ARIH1: variants seen among roughly 807,000 people sequenced by gnomAD.
ARIH1 encodes E3 ubiquitin-protein ligase ARIH1.
A neutral mutation model predicts 85.0 loss-of-function variants in ARIH1; 8 were observed. The ratio of observed to expected loss-of-function variants is 0.09; its 90% CI spans 0.06 to 0.17. The LOEUF (loss-of-function observed/expected upper bound fraction) is 0.17, where lower values mean the gene tolerates loss of function less well. ARIH1 is among the 10% of genes least tolerant of loss of function. The pLI is 1.00. For synonymous variants in ARIH1, 238 were observed against 253.6 expected, an observed-to-expected ratio of 0.94 and a Z score of 0.59; for missense variants, 311 against 718.1, an observed-to-expected ratio of 0.43 and a Z score of 6.48.
chr15:72,586,369 T>TGG lies in ARIH1; in HGVS notation c.*3080_*3081dup, dbSNP rs2064316987. The TGG allele has an allele frequency of 6.6e-6, 1 of 152,066 alleles. No homozygotes were observed. Among genetic ancestry groups the TGG allele is most frequent in the Non-Finnish European group, 1.5e-5 (1 of 68,004 alleles). The allele number at this position is 152,066 out of a possible 1,614,324, so 9.4% of individuals were successfully genotyped here. A position where few individuals can be genotyped will look rare whatever the true frequency, so the allele number is the denominator to read the frequency against. Reference sequence around the variant, plus strand: ...GTAATAGAGCACTTGGGGGATGGGATGGGGTGGGTTGGTGAGACAATCAGA... The same window carrying TGG: ...GTAATAGAGCACTTGGGGGATGGGATGGGGGGTGGGTTGGTGAGACAATCAGA... On this transcript the variant is annotated 3_prime_UTR_variant, in exon 14 of 14. Transcript: ENST00000379887.
At chr15:72,481,308 A>G (rs571200905) in intron 1 of ARIH1, among the ~76,000 whole-genome samples, 64 of 152,290 alleles carry the variant, frequency 4.2e-4, no homozygotes, top group Middle Eastern at 3.4e-3. Context: ...AAAGTTTGAG[A>G]ACTGCTGATG....
intron 10 of ARIH1, among the ~76,000 whole-genome samples, chr15:72,571,623 T>TCAA (rs1310830442): frequency 1.3e-5 from 2 of 152,136 alleles, no homozygotes; most frequent in Non-Finnish European, 2.9e-5. Flanking sequence ...TGGTAGGCTG[T>TCAA]CAACTGTTGG....
chr15:72,520,219 AGAAGCTATTG>A (rs1480271351), intron 2 of ARIH1, among the ~76,000 whole-genome samples: 1 of 152,200 alleles, frequency 6.6e-6, no homozygotes, highest in Non-Finnish European at 1.5e-5. Flanking sequence ...GTTTCTGTAG[AGAAGCTATTG>A]GATACCTAAA....
chr15:72,515,970 C>CA (rs1300619526), intron 1 of ARIH1, among the ~76,000 whole-genome samples: 1 of 152,154 alleles, frequency 6.6e-6, no homozygotes, highest in Non-Finnish European at 1.5e-5. Context: ...CCTCACATGG[C>CA]AGTGAGCACA....
intron 1 of ARIH1, 96 bp from the exon 2 acceptor site, chr15:72,517,971 G>A (rs2063982610): frequency 3.8e-6 from 3 of 784,630 alleles, no homozygotes; most frequent in Non-Finnish European, 6.3e-6. Context: ...AAATTTGGGT[G>A]GAGTATTGTG....
rs1330525162 is a variant in ARIH1 at position 72,585,110 on chromosome 15, CT to C, written c.*1822del. ...GTTAGGCTTTGCTGAATCAACCCTA[CT>C]TTTCCTTTTAGAAAAGGTTGTTACA... On this transcript the variant is annotated 3_prime_UTR_variant, in exon 14 of 14. Transcript: ENST00000379887. The C allele has an allele frequency of 6.6e-6, 1 of 152,100 alleles. No homozygotes were observed. The highest frequency in any genetic ancestry group is 1.5e-5 in the Non-Finnish European group (1 of 68,022). 9.4% of individuals were successfully genotyped at this position (152,100 alleles called of 1,614,324 possible).
chr15:72,524,239 G>A (rs2064015769), intron 2 of ARIH1, among the ~76,000 whole-genome samples: 1 of 146,614 alleles, frequency 6.8e-6, no homozygotes, highest in Admixed American at 6.8e-5. Context: ...GAGCCACTGT[G>A]CCCGGCCTTT....
chr15:72,531,255 TTTTATTTATTTA>T (rs369243037), intron 2 of ARIH1, among the ~76,000 whole-genome samples: 3 of 151,714 alleles, frequency 2.0e-5, no homozygotes, highest in Non-Finnish European at 1.5e-5. Context: ...AAATCCACAT[TTTTATTTATTTA>T]TTTATTTATT....
At position 72,586,805 on chromosome 15, in the gene ARIH1, T is replaced by G. The variant is rs938437124; in HGVS notation, c.*3513T>G. The G allele has an allele frequency of 6.4e-6, 1 of 156,536 alleles. No individual in the cohort carries two copies. Among genetic ancestry groups the G allele is most frequent in the African/African-American group, 2.4e-5 (1 of 41,448 alleles). 9.7% of individuals were successfully genotyped at this position (156,536 alleles called of 1,614,324 possible). On this transcript the variant is annotated 3_prime_UTR_variant, in exon 14 of 14. Coordinates refer to ENST00000379887, the MANE Select transcript of ARIH1 (RefSeq NM_005744.5). The stretch of plus-strand genomic sequence containing the variant: ...GATATTGAATTTAAATTGTTTGTGT[T>G]GTAACAGTGATACAAAAATGTTCAA...
At chr15:72,546,926 T>C (rs866547129) in intron 3 of ARIH1, among the ~76,000 whole-genome samples, 5 of 53,278 alleles carry the variant, frequency 9.4e-5, no homozygotes, top group Admixed American at 2.2e-4. Flanking sequence ...TCTTTTCTTT[T>C]TTTTTGGAGG....
intron 10 of ARIH1, among the ~76,000 whole-genome samples, chr15:72,571,183 G>T (rs1338708329): frequency 3.5e-5 from 5 of 143,378 alleles, no homozygotes; most frequent in Non-Finnish European, 7.5e-5. Flanking sequence ...ATATGAAGCA[G>T]TTTTCTCACT....
At chr15:72,538,929 G>A (rs1056886322) in intron 2 of ARIH1, among the ~76,000 whole-genome samples, 4 of 152,162 alleles carry the variant, frequency 2.6e-5, no homozygotes, top group Admixed American at 2.6e-4. Flanking sequence ...CATAGGAATG[G>A]GTGTTAACCT....
In ARIH1 at chr15:72,506,351, C is replaced by CAAAAAAAA. The variant is rs71134002; in HGVS notation, c.376-11709_376-11702dup. Among the ~76,000 whole-genome samples, 22 of 73,084 alleles carry CAAAAAAAA rather than the reference C, an allele frequency of 3.0e-4. 3 individuals are homozygous for CAAAAAAAA. The highest frequency in any genetic ancestry group is 2.0e-3 in the East Asian group (4 of 1,976). The allele number at this position is 73,084 out of a possible 152,430, so 47.9% of individuals were successfully genotyped here. Reference sequence around the variant, plus strand: ...GGCGACAGAGCAAGACTCCGTCTCACAAAAAAAAAAAAAAGAAAAAAAAAA... The same window carrying CAAAAAAAA: ...GGCGACAGAGCAAGACTCCGTCTCACAAAAAAAAAAAAAAAAAAAAAAGAAAAAAAAAA... On this transcript the variant is annotated intron_variant, in intron 1 of 13. Transcript: ENST00000379887.
chr15:72,573,013 C>T (rs1202344798), intron 11 of ARIH1, among the ~76,000 whole-genome samples: 1 of 152,122 alleles, frequency 6.6e-6, no homozygotes, highest in African/African-American at 2.4e-5. Context: ...TTGTGGAACC[C>T]TGGAATTTAA....
chr15:72,553,388 A>G (rs536459666), intron 3 of ARIH1, among the ~76,000 whole-genome samples: 12 of 152,322 alleles, frequency 7.9e-5, no homozygotes, highest in African/African-American at 2.9e-4. Context: ...AAATCTTTTC[A>G]TAACAGGTTT....
At chr15:72,486,104 A>T (rs28736577) in intron 1 of ARIH1, among the ~76,000 whole-genome samples, 1 of 151,440 alleles carries the variant, frequency 6.6e-6, no homozygotes, top group Non-Finnish European at 1.5e-5. Context: ...TAAATTTTTA[A>T]TTTTTTTTTC....
intron 3 of ARIH1, among the ~76,000 whole-genome samples, chr15:72,547,241 T>TCTCA (rs1555488090): frequency 7.7e-6 from 1 of 130,476 alleles, no homozygotes; most frequent in Non-Finnish European, 1.7e-5. Flanking sequence ...TCCTTTTCTC[T>TCTCA]TTTTTTTTTG....
chr15:72,516,635 C>T (rs2063976241), intron 1 of ARIH1, among the ~76,000 whole-genome samples: 1 of 152,062 alleles, frequency 6.6e-6, no homozygotes, highest in Non-Finnish European at 1.5e-5. Context: ...TAAGGAGTAC[C>T]TAGATTAGCA....
chr15:72,531,264 T>TTTAA (rs976256623), intron 2 of ARIH1, among the ~76,000 whole-genome samples: 3 of 140,970 alleles, frequency 2.1e-5, no homozygotes, highest in African/African-American at 6.4e-5. Context: ...TTTTTATTTA[T>TTTAA]TTATTTATTT....
Sources: gnomAD v4.1 joint callset for allele counts (sites outside exome capture counted in the v4.1 genomes callset) on GRCh38, gnomAD v4.1.1 for gene constraint, MANE v1.5 for transcripts, NCBI Gene and HGNC (gene_info 2026-07-23, HGNC 2026-07-21) for gene names.